GRM8: variants seen among roughly 807,000 people sequenced by gnomAD.
GRM8 encodes glutamate metabotropic receptor 8.
Under a neutral mutation model 87.2 loss-of-function variants are expected in GRM8, and 47 were observed. The observed-to-expected ratio is 0.54, with a 90% CI of 0.43 to 0.69. The LOEUF (loss-of-function observed/expected upper bound fraction) is 0.69. Ranked by LOEUF, GRM8 falls within the 30% of genes least tolerant of loss-of-function variation. The pLI is 0.00. For missense variants in GRM8, 1,019 were observed against 1,139.2 expected, an observed-to-expected ratio of 0.89 and a Z score of 1.52; for synonymous variants, 396 against 404.5, an observed-to-expected ratio of 0.98 and a Z score of 0.25.
Position 126,904,143 on chromosome 7 carries a change from A to T in GRM8, c.864-17T>A, listed in dbSNP as rs1802445541. 1 of 1,592,260 alleles carries T rather than the reference A, an allele frequency of 6.3e-7. No homozygotes were observed. The highest frequency in any genetic ancestry group is 8.6e-7 in the Non-Finnish European group (1 of 1,162,404). On this transcript the variant is annotated splice_polypyrimidine_tract_variant and intron_variant, in intron 4 of 10. Coordinates refer to ENST00000339582, the MANE Select transcript of GRM8 (RefSeq NM_000845.3). ...AATATCCTCCTACAGGAATAAAAAT[A>T]AATAATGCATATCACATGTATTAAA...
chr7:127,070,076 G>C (rs1408296055), intron 3 of GRM8, among the ~76,000 whole-genome samples: 2 of 152,108 alleles, frequency 1.3e-5, no homozygotes, highest in African/African-American at 2.4e-5. Context: ...GGCACATTCA[G>C]TTCATTTTCT....
In GRM8 at chr7:127,237,595, A is replaced by C. The variant is rs147515762; in HGVS notation, c.510+5100T>G. On this transcript the variant is annotated intron_variant, in intron 2 of 10. Coordinates refer to ENST00000339582, the MANE Select transcript of GRM8 (RefSeq NM_000845.3). ...CTTCACATGAAGATCAATTTTAGCC[A>C]TTTATAATCAGCACACTTCCACATA... Among the ~76,000 whole-genome samples, 600 of 152,338 alleles carry C rather than the reference A, an allele frequency of 3.9e-3. 1 individual carries two copies. The highest frequency in any genetic ancestry group is 0.014 in the African/African-American group (584 of 41,560).
At chr7:126,959,746 T>G (rs1219816496) in intron 3 of GRM8, among the ~76,000 whole-genome samples, 1 of 152,206 alleles carries the variant, frequency 6.6e-6, no homozygotes, top group African/African-American at 2.4e-5. Flanking sequence ...AGTAAAGCAG[T>G]AGGCTCAGAT....
At chr7:126,745,606 C>A (rs1357904644) in intron 7 of GRM8, among the ~76,000 whole-genome samples, 1 of 151,244 alleles carries the variant, frequency 6.6e-6, no homozygotes, top group Non-Finnish European at 1.5e-5. Flanking sequence ...GGTTTTTTTC[C>A]CCCTAATATT....
chr7:127,238,147 T>C (rs1296848429), intron 2 of GRM8, among the ~76,000 whole-genome samples: 3 of 152,178 alleles, frequency 2.0e-5, no homozygotes, highest in Non-Finnish European at 4.4e-5. Context: ...TATACCTCTG[T>C]ATAGGATGGA....
intron 3 of GRM8, among the ~76,000 whole-genome samples, chr7:127,080,053 C>A (rs549247191): frequency 1.3e-5 from 2 of 152,204 alleles, no homozygotes; most frequent in South Asian, 4.1e-4. Flanking sequence ...ATTAAGGTTG[C>A]AAATGGAACT....
At chr7:126,863,727 T>C (rs1798342774) in intron 6 of GRM8, among the ~76,000 whole-genome samples, 1 of 152,158 alleles carries the variant, frequency 6.6e-6, no homozygotes, top group African/African-American at 2.4e-5. Flanking sequence ...TTTCATCTAA[T>C]TTATTAATTT....
rs559317254 is a variant in GRM8 at position 126,608,178 on chromosome 7, C to T, written c.1494+1184G>A. The stretch of plus-strand genomic sequence containing the variant: ...AGCCCTGTGCACTGATTTCCTGGGC[C>T]TCCCTTATCCATCAAGTTCAGAATT... On this transcript the variant is annotated intron_variant, in intron 8 of 10. Transcript: ENST00000339582. Among the ~76,000 whole-genome samples, 6 of 152,102 alleles carry T rather than the reference C, an allele frequency of 3.9e-5. No homozygotes were observed. The East Asian group carries it at 1.2e-3, about 29-fold the overall frequency.
chr7:127,177,171 T>A (rs1330238020), intron 2 of GRM8, among the ~76,000 whole-genome samples: 2 of 152,042 alleles, frequency 1.3e-5, no homozygotes, highest in Non-Finnish European at 2.9e-5. Context: ...GGGGGCACAG[T>A]GGGAGTGAGA....
At chr7:126,458,026 A>AG (rs1322234082) in intron 9 of GRM8, among the ~76,000 whole-genome samples, 1 of 150,522 alleles carries the variant, frequency 6.6e-6, no homozygotes, top group Admixed American at 6.6e-5. Flanking sequence ...GTTAGCCAAA[A>AG]AAAAAAATAA....
intron 3 of GRM8, among the ~76,000 whole-genome samples, chr7:127,055,263 CT>C (rs1444306614): frequency 6.6e-6 from 1 of 152,064 alleles, no homozygotes; most frequent in African/African-American, 2.4e-5. Context: ...TGGCATCTAT[CT>C]TTAAATATTT....
At chr7:126,624,313 C>T (rs149543856) in intron 7 of GRM8, among the ~76,000 whole-genome samples, 68 of 152,304 alleles carry the variant, frequency 4.5e-4, no homozygotes, top group African/African-American at 1.5e-3. Context: ...TTTGCAAGCA[C>T]ATGAAGGTTG....
chr7:126,823,537 A>C lies in GRM8; in HGVS notation c.1157-53472T>G, dbSNP rs1794494033. On this transcript the variant is annotated intron_variant, in intron 6 of 10. Coordinates refer to ENST00000339582, the MANE Select transcript of GRM8 (RefSeq NM_000845.3). ...GTCTAAGATAAATATAATAGGGGCC[A>C]CATATGTAATTTTAAAATTTATGAT... 2.0e-5 allele frequency among the ~76,000 whole-genome samples: 3 copies of C among 152,250 alleles called. No individual in the cohort carries two copies. The South Asian group carries it at 6.2e-4, about 32-fold the overall frequency.
At chr7:126,565,674 A>C (rs1263447324) in intron 8 of GRM8, among the ~76,000 whole-genome samples, 1 of 144,118 alleles carries the variant, frequency 6.9e-6, no homozygotes, top group East Asian at 2.2e-4. Context: ...AATTTCATAG[A>C]AGTAGAAAAA....
chr7:126,983,422 T>A (rs559381832), intron 3 of GRM8, among the ~76,000 whole-genome samples: 3 of 152,062 alleles, frequency 2.0e-5, no homozygotes, highest in Non-Finnish European at 4.4e-5. Context: ...GCTTCCAATA[T>A]ACGGTACTGC....
chr7:126,508,732 ATTAG>A (rs1267564793), intron 9 of GRM8, among the ~76,000 whole-genome samples: 1 of 152,114 alleles, frequency 6.6e-6, no homozygotes, highest in Non-Finnish European at 1.5e-5. Context: ...TGAAAGGTAA[ATTAG>A]TTAGGAAAAC....
chr7:126,689,807 G>A (rs1248166595), intron 7 of GRM8, among the ~76,000 whole-genome samples: 1 of 152,136 alleles, frequency 6.6e-6, no homozygotes, highest in Non-Finnish European at 1.5e-5. Flanking sequence ...TATATAAGCA[G>A]AAGCTTCTGC....
At chr7:126,633,879 A>G (rs897792498) in intron 7 of GRM8, among the ~76,000 whole-genome samples, 18 of 152,084 alleles carry the variant, frequency 1.2e-4, no homozygotes, top group African/African-American at 4.1e-4. Context: ...AATTAATTCC[A>G]TTTAGTTTTA....
intron 8 of GRM8, among the ~76,000 whole-genome samples, chr7:126,600,200 T>C (rs1426647792): frequency 6.6e-6 from 1 of 152,174 alleles, no homozygotes; most frequent in Non-Finnish European, 1.5e-5. Flanking sequence ...TATGAGTATA[T>C]GGTTGCTTTA....
Sources: gnomAD v4.1 joint callset for allele counts (sites outside exome capture counted in the v4.1 genomes callset) on GRCh38, gnomAD v4.1.1 for gene constraint, MANE v1.5 for transcripts, NCBI Gene and HGNC (gene_info 2026-07-23, HGNC 2026-07-21) for gene names.